The following CYP3A5 variants were observed in gnomAD, a reference collection of about 807,000 sequenced individuals.
The protein encoded by CYP3A5 is cytochrome P450 family 3 subfamily A member 5, also known as cytochrome P450 3A5.
A neutral mutation model predicts 55.9 loss-of-function variants in CYP3A5; 51 were observed. The observed-to-expected ratio is 0.91, with a 90% CI of 0.73 to 1.15. The LOEUF is 1.15. CYP3A5 is among the 50% of genes most tolerant of loss of function. The pLI, the probability that CYP3A5 is intolerant of heterozygous loss-of-function variation, is 0.00. For synonymous variants in CYP3A5, 196 were observed against 213.9 expected (o/e 0.92, Z 0.73); for missense variants, 533 against 596.6 (o/e 0.89, Z 1.11).
intron 4 of CYP3A5, among the ~76,000 whole-genome samples, chr7:99,669,367 A>AT (rs1811358243): frequency 6.6e-6 from 1 of 152,228 alleles, no homozygotes; most frequent in African/African-American, 2.4e-5. Flanking sequence ...AACAAAAAAG[A>AT]TTTTTTAAAA....
At chr7:99,666,437 G>A (rs897825785) in intron 6 of CYP3A5, among the ~76,000 whole-genome samples, 164 bp downstream of exon 6, 1 of 152,112 alleles carries the variant, frequency 6.6e-6, no homozygotes, top group African/African-American at 2.4e-5. Context: ...CTGACTTGCC[G>A]CCTCATGGGA....
At chr7:99,649,373 C>T (rs1298451781) in intron 12 of CYP3A5, among the ~76,000 whole-genome samples, 1 of 152,142 alleles carries the variant, frequency 6.6e-6, no homozygotes, top group Non-Finnish European at 1.5e-5. Context: ...TAGGCTATTG[C>T]TTAATATGAA....
At position 99,664,080 on chromosome 7, in the gene CYP3A5, A is replaced by G. The variant is rs926247407; in HGVS notation, c.686T>C (p.Leu229Pro). The change falls in exon 8 of 13, where the codon CTT becomes CCT. Residue 229 changes from leucine to proline, a missense_variant. Coordinates refer to ENST00000222982, the MANE Select transcript of CYP3A5 (RefSeq NM_000777.5). ...LFLSIILFPF[L>P]TPVFEALNVS... ...ATTTAATGCTTCAAAAACTGGGGTA[A>G]GGAATGGAAAGAGTACTGTGGGAAA... 1 of 1,589,348 alleles carries G rather than the reference A, an allele frequency of 6.3e-7. No homozygotes were observed. Among genetic ancestry groups the G allele is most frequent in the Non-Finnish European group, 8.5e-7 (1 of 1,174,278 alleles).
intron 4 of CYP3A5, chr7:99,671,704 A>G (rs962033396): frequency 1.6e-5 from 10 of 644,748 alleles, no homozygotes; most frequent in African/African-American, 3.7e-5. Flanking sequence ...CAAAAGAACA[A>G]TCCATAAAAG....
In CYP3A5 at chr7:99,672,573, T is replaced by C. The variant is rs780286142; in HGVS notation, c.318+7A>G. 11 of 1,608,948 alleles carry C rather than the reference T, an allele frequency of 6.8e-6. No homozygotes were observed. The highest frequency in any genetic ancestry group is 8.5e-7 in the Non-Finnish European group (1 of 1,175,610). On this transcript the variant is annotated splice_region_variant and intron_variant, in intron 4 of 12. Coordinates refer to ENST00000222982, the MANE Select transcript of CYP3A5 (RefSeq NM_000777.5). The stretch of plus-strand genomic sequence containing the variant: ...CATTATTTAAATTTCAAAAAATGGA[T>C]GCTTACCCTTCGATTTGTGAAGACA...
At chr7:99,674,662 A>T (rs1812044554) in intron 2 of CYP3A5, 77 bp from the exon 3 acceptor site, 1 of 1,252,870 alleles carries the variant, frequency 8.0e-7, no homozygotes, top group Admixed American at 1.9e-5. Context: ...GGCTGAAAAC[A>T]GTTGCGTCCA....
intron 3 of CYP3A5, 177 bp from the exon 4 acceptor site, chr7:99,672,856 C>A: frequency 7.1e-7 from 1 of 1,413,782 alleles, no homozygotes; most frequent in Non-Finnish European, 9.2e-7. Flanking sequence ...GAGTCTCACA[C>A]AGGAGCCACC....
rs748940694 is a variant in CYP3A5, at chr7:99,665,299, G to A, written c.537C>T (p.Tyr179=). Residue 179 remains tyrosine (Y), a synonymous_variant, in exon 7 of 13, where the codon TAC becomes TAT. Coordinates refer to ENST00000222982, the MANE Select transcript of CYP3A5 (RefSeq NM_000777.5). ...PVTLKDIFGA[Y]SMDVITGTSF... The stretch of plus-strand genomic sequence containing the variant: ...ATGTGCCAGTAATCACATCCATGCT[G>A]TAGGCCCCAAAGATGCTGAGTGGAG... The A allele has an allele frequency of 4.3e-6, 7 of 1,614,032 alleles. No individual in the cohort carries two copies. The Admixed American group carries it at 1.2e-4, about 27-fold the overall frequency.
chr7:99,668,809 A>G (rs2151431801), intron 4 of CYP3A5, among the ~76,000 whole-genome samples: 1 of 152,328 alleles, frequency 6.6e-6, no homozygotes, highest in East Asian at 1.9e-4. Context: ...CTTCAGTTTT[A>G]TGGTGGTGTG....
chr7:99,656,638 A>G (rs1203804213), intron 10 of CYP3A5, among the ~76,000 whole-genome samples: 1 of 152,190 alleles, frequency 6.6e-6, no homozygotes, highest in Non-Finnish European at 1.5e-5. Flanking sequence ...ATTGATTGGA[A>G]TAGTTTCAGA....
At chr7:99,652,458 G>T in intron 11 of CYP3A5, 95 bp downstream of exon 11, 9 of 745,168 alleles carry the variant, frequency 1.2e-5, no homozygotes, top group Non-Finnish European at 1.7e-5. Context: ...GCAAATGATT[G>T]TACAACCACA....
chr7:99,663,589 T>A lies in CYP3A5; in HGVS notation c.798+379A>T, dbSNP rs1021571698. On this transcript the variant is annotated intron_variant, in intron 8 of 12. Transcript: ENST00000222982. Reference sequence around the variant, plus strand: ...AATTGCAGAATATGTAAAATAAGAGTCTTGGACTTAAAATGATTCTTTACC... The same window carrying A: ...AATTGCAGAATATGTAAAATAAGAGACTTGGACTTAAAATGATTCTTTACC... 5 of 995,956 alleles carry A rather than the reference T, an allele frequency of 5.0e-6. No individual in the cohort carries two copies. The African/African-American group carries it at 7.0e-5, about 14-fold the overall frequency. The allele number at this position is 995,956 out of a possible 1,614,324, so 61.7% of individuals were successfully genotyped here.
At chr7:99,663,365 A>G (rs1239245155) in intron 8 of CYP3A5, 1 of 991,394 alleles carries the variant, frequency 1.0e-6, no homozygotes, top group African/African-American at 1.7e-5. Flanking sequence ...CTTCAGTGAC[A>G]GCTGGGTTAC....
chr7:99,665,156 G>GCC lies in CYP3A5; in HGVS notation c.670+8_670+9dup. On this transcript the variant is annotated intron_variant, in intron 7 of 12. Coordinates refer to ENST00000222982, the MANE Select transcript of CYP3A5 (RefSeq NM_000777.5). ...TTTAAAAAGAGAGAAAGAAATAATA[G>GCC]CCCACATACTTATTGAGAGAAATAA... 6.3e-7 allele frequency: 1 copy of GCC among 1,589,840 alleles called. No homozygotes were observed. Among genetic ancestry groups the GCC allele is most frequent in the Non-Finnish European group, 8.6e-7 (1 of 1,164,382 alleles).
intron 2 of CYP3A5, among the ~76,000 whole-genome samples, chr7:99,675,781 C>CT (rs1459978036): frequency 6.9e-6 from 1 of 145,450 alleles, no homozygotes; most frequent in Non-Finnish European, 1.5e-5. Context: ...ACAGCCTTGA[C>CT]TTCCTGGGTT....
At chr7:99,663,616 A>G in intron 8 of CYP3A5, 2 of 1,000,626 alleles carry the variant, frequency 2.0e-6, no homozygotes, top group Non-Finnish European at 2.4e-6. Flanking sequence ...TTCTTTACCA[A>G]TCTGTGATAT....
chr7:99,669,414 G>A (rs925427032), intron 4 of CYP3A5, among the ~76,000 whole-genome samples: 3 of 152,192 alleles, frequency 2.0e-5, no homozygotes, highest in East Asian at 3.8e-4. Context: ...GTAAAACCTA[G>A]TTATGTGGTA....
chr7:99,667,191 C>T, intron 4 of CYP3A5, 126 bp from the exon 5 acceptor site: 1 of 739,174 alleles, frequency 1.4e-6, no homozygotes, highest in South Asian at 2.1e-5. Context: ...TTATGGCAAG[C>T]CATATTCAAG....
At chr7:99,658,640 T>C (rs1810040632) in intron 10 of CYP3A5, among the ~76,000 whole-genome samples, 1 of 152,212 alleles carries the variant, frequency 6.6e-6, no homozygotes, top group African/African-American at 2.4e-5. Context: ...CCTTGCTAGA[T>C]TGGGGAAGTT....
Sources: gnomAD v4.1 joint callset for allele counts (sites outside exome capture counted in the v4.1 genomes callset) on GRCh38, gnomAD v4.1.1 for gene constraint, MANE v1.5 for transcripts, NCBI Gene and HGNC (gene_info 2026-07-23, HGNC 2026-07-21) for gene names.